CFAP47: variants seen among roughly 807,000 people sequenced by gnomAD.
The protein encoded by CFAP47 is cilia- and flagella-associated protein 47.
Under a neutral mutation model 148.1 loss-of-function variants are expected in CFAP47, and 29 were observed. That is an observed-to-expected ratio of 0.20 (90% CI 0.15 to 0.27). The LOEUF (loss-of-function observed/expected upper bound fraction) is 0.27, where lower values mean the gene tolerates loss of function less well. Ranked by LOEUF, CFAP47 falls within the 10% of genes least tolerant of loss-of-function variation. The pLI is 1.00. For missense variants in CFAP47, 1,872 were observed against 1,697.5 expected, an observed-to-expected ratio of 1.10 and a Z score of -1.81; for synonymous variants, 664 against 577.3, an observed-to-expected ratio of 1.15 and a Z score of -2.15.
intron 15 of CFAP47, among the ~76,000 whole-genome samples, chrX:35,976,533 G>A (rs921809695): frequency 1.8e-5 from 2 of 111,325 alleles, no homozygotes; most frequent in Middle Eastern, 4.7e-3. Flanking sequence ...TGTTAATTAC[G>A]TCTAAAAAAA....
At chrX:36,045,519 G>A (rs762864450) in intron 25 of CFAP47, among the ~76,000 whole-genome samples, 2 of 111,278 alleles carry the variant, frequency 1.8e-5, no homozygotes, top group African/African-American at 6.5e-5. Flanking sequence ...AGGGTCCAAG[G>A]GGGCTCTTCA....
chrX:36,278,438 C>A (rs1221983967), intron 49 of CFAP47, among the ~76,000 whole-genome samples: 1 of 112,903 alleles, frequency 8.9e-6, no homozygotes, highest in African/African-American at 3.2e-5. Flanking sequence ...TTTGCTAAAA[C>A]CGTTGGAAAA....
At chrX:36,323,999 TATC>T (rs1941498770) in intron 57 of CFAP47, among the ~76,000 whole-genome samples, 1 of 111,703 alleles carries the variant, frequency 9.0e-6, no homozygotes, top group Non-Finnish European at 1.9e-5. Context: ...TTCCTTTCGT[TATC>T]ATTCAAAACT....
chrX:36,382,760 A>T (rs1371117339), intron 63 of CFAP47, among the ~76,000 whole-genome samples: 7 of 111,458 alleles, frequency 6.3e-5, no homozygotes, highest in East Asian at 2.8e-4. Flanking sequence ...TTATTTTTTT[A>T]AATTTCTTTA....
chrX:35,975,660 G>T lies in CFAP47; in HGVS notation c.2472-12G>T. 1.7e-6 allele frequency: 2 copies of T among 1,206,172 alleles called. No homozygotes were observed. Among genetic ancestry groups the T allele is most frequent in the Non-Finnish European group, 2.2e-6 (2 of 892,264 alleles). On this transcript the variant is annotated splice_polypyrimidine_tract_variant and intron_variant, in intron 14 of 63. Transcript: ENST00000378653. ...TTATCAGTTAAATTTGGATGCTTTTGCTGCATTACAGGTCTTTCACCTTTA... is the reference window on the plus strand; with the variant it reads ...TTATCAGTTAAATTTGGATGCTTTTTCTGCATTACAGGTCTTTCACCTTTA...
Position 36,000,384 on chromosome X carries a change from A to G in CFAP47, c.3279A>G (p.Leu1093=). The G allele has an allele frequency of 3.4e-6, 1 of 296,530 alleles. No individual in the cohort carries two copies. Among genetic ancestry groups the G allele is most frequent in the Non-Finnish European group, 5.9e-6 (1 of 169,420 alleles). The allele number at this position is 296,530 out of a possible 1,213,427, so 24.4% of individuals were successfully genotyped here. A position where few individuals can be genotyped will look rare whatever the true frequency, so the allele number is the denominator to read the frequency against. The change falls in exon 20 of 64, where the codon CTA becomes CTG. Residue 1093 remains leucine (L), a synonymous_variant. Coordinates refer to ENST00000378653, the MANE Select transcript of CFAP47 (RefSeq NM_001304548.2). ...CACGTGCCAGAGTGGAGTTTAATCT[A>G]AAAGACTTTCCGGATTTTTCAATGG... ...GITRARVEFN[L]KDFPDFSMDL... is the part of the protein sequence containing the mutation.
intron 32 of CFAP47, among the ~76,000 whole-genome samples, chrX:36,102,836 C>A (rs907245190): frequency 8.9e-6 from 1 of 111,744 alleles, no homozygotes; most frequent in Non-Finnish European, 1.9e-5. Flanking sequence ...GACTTCTAGA[C>A]CACAAAACTG....
In CFAP47 at chrX:36,282,317, G is replaced by C; in HGVS notation, c.7588+1687G>C. On this transcript the variant is annotated intron_variant, in intron 50 of 63. Coordinates refer to ENST00000378653, the MANE Select transcript of CFAP47 (RefSeq NM_001304548.2). Reference sequence around the variant, plus strand: ...AAGTTAAATCCTCATTAATATCTAGGGCAGAAGAACCATGAAGGAAAACCT... The same window carrying C: ...AAGTTAAATCCTCATTAATATCTAGCGCAGAAGAACCATGAAGGAAAACCT... Among the ~76,000 whole-genome samples the C allele has an allele frequency of 2.7e-5, 3 of 110,724 alleles. No individual in the cohort carries two copies. In the Admixed American group the frequency reaches 2.9e-4, roughly 11 times the overall value.
rs940898927 is a variant in CFAP47 at position 36,317,825 on chromosome X, A to G, written c.8345-1384A>G. ...TGTACTAATAAAAATATATTATTGT[A>G]CAAATAAAAAGTAAATGTAGAATAA... On this transcript the variant is annotated intron_variant, in intron 56 of 63. Coordinates refer to ENST00000378653, the MANE Select transcript of CFAP47 (RefSeq NM_001304548.2). Among the ~76,000 whole-genome samples the G allele has an allele frequency of 4.5e-5, 5 of 111,528 alleles. No homozygotes were observed. In the East Asian group the frequency reaches 1.1e-3, roughly 25 times the overall value.
rs1938323655 is a variant in CFAP47, at chrX:36,098,802, A to G, written c.4926A>G (p.Gly1642=). ...SSLLDFLNAQ[G]GCISHVLPEF... is the part of the protein sequence containing the mutation. ...TCTTTTTTAATTTTAGTGCTCAAGG[A>G]GGATGTATTTCACATGTCCTGCCAG... The change falls in exon 31 of 64, where the codon GGA becomes GGG. Residue 1642 remains glycine, a synonymous_variant. Transcript: ENST00000378653. The G allele has an allele frequency of 2.6e-6, 3 of 1,169,296 alleles. No homozygotes were observed. Among genetic ancestry groups the G allele is most frequent in the Middle Eastern group, 2.4e-4 (1 of 4,187 alleles).
intron 49 of CFAP47, among the ~76,000 whole-genome samples, chrX:36,265,489 C>T (rs1427080432): frequency 1.8e-5 from 2 of 111,691 alleles, no homozygotes; most frequent in Non-Finnish European, 3.8e-5. Context: ...TTTCAATTCT[C>T]AAGGTGGATA....
intron 56 of CFAP47, among the ~76,000 whole-genome samples, chrX:36,318,988 T>G (rs1941457921): frequency 8.9e-6 from 1 of 111,942 alleles, no homozygotes; most frequent in Non-Finnish European, 1.9e-5. Context: ...GTTCCAAGAA[T>G]TTATGAGTTT....
rs782120965 is a variant in CFAP47, at chrX:36,319,224, G to C, written c.8360G>C (p.Arg2787Thr). 1.6e-5 allele frequency: 18 copies of C among 1,102,029 alleles called. No individual in the cohort carries two copies. In the African/African-American group the frequency reaches 2.3e-4, roughly 14 times the overall value. The allele number at this position is 1,102,029 out of a possible 1,213,427, so 90.8% of individuals were successfully genotyped here. Residue 2787 changes from arginine (R) to threonine (T), a missense_variant, in exon 57 of 64, where the codon AGG becomes ACG. Physicochemically the swap from Arg to Thr is moderately conservative, Grantham distance 71. Coordinates refer to ENST00000378653, the MANE Select transcript of CFAP47 (RefSeq NM_001304548.2). Reference protein sequence around the residue: ...DIILTSVEHPRNLVMDHCWDS... With the variant: ...DIILTSVEHPTNLVMDHCWDS... ...TTTTAATTAGGTGTGGAACATCCCA[G>C]GAATCTTGTCATGGATCATTGCTGG...
intron 39 of CFAP47, among the ~76,000 whole-genome samples, chrX:36,164,118 C>T (rs1433151738): frequency 9.0e-6 from 1 of 111,317 alleles, no homozygotes; most frequent in Non-Finnish European, 1.9e-5. Flanking sequence ...GTCCATACTG[C>T]AGAATGCTCA....
chrX:36,332,301 C>CT (rs11348976), intron 57 of CFAP47, among the ~76,000 whole-genome samples: 1 of 107,778 alleles, frequency 9.3e-6, no homozygotes, highest in Non-Finnish European at 1.9e-5. Context: ...CTAAAATTAT[C>CT]TTTTTTTTTC....
intron 2 of CFAP47, among the ~76,000 whole-genome samples, chrX:35,931,335 T>C (rs1463245571): frequency 3.6e-5 from 4 of 111,008 alleles, no homozygotes; most frequent in Non-Finnish European, 7.5e-5. Context: ...TAATGTAGCT[T>C]TTTGCACTTT....
intron 50 of CFAP47, among the ~76,000 whole-genome samples, chrX:36,284,695 G>A (rs935498129): frequency 9.0e-6 from 1 of 111,710 alleles, no homozygotes; most frequent in Non-Finnish European, 1.9e-5. Flanking sequence ...CCACTAGTTT[G>A]TGCTTCTTAT....
chrX:36,000,635 C>T lies in CFAP47; in HGVS notation c.3322+208C>T, dbSNP rs1288180246. On this transcript the variant is annotated intron_variant, in intron 20 of 63. Coordinates refer to ENST00000378653, the MANE Select transcript of CFAP47 (RefSeq NM_001304548.2). ...TTAATATCAAAACACTTTGGTAATA[C>T]ATGAAACGTAACCGTTCTTATTAGT... 4.5e-5 allele frequency among the ~76,000 whole-genome samples: 5 copies of T among 111,611 alleles called. No homozygotes were observed. In the East Asian group the frequency reaches 8.4e-4, roughly 19 times the overall value.
In CFAP47 at chrX:36,138,541, T is replaced by G. The variant is rs373730401; in HGVS notation, c.5535+77T>G. The G allele has an allele frequency of 1.7e-5, 17 of 1,009,889 alleles. No individual in the cohort carries two copies. The East Asian group carries it at 4.2e-4, about 25-fold the overall frequency. The allele number at this position is 1,009,889 out of a possible 1,213,427, so 83.2% of individuals were successfully genotyped here. A position where few individuals can be genotyped will look rare whatever the true frequency, so the allele number is the denominator to read the frequency against. On this transcript the variant is annotated intron_variant, in intron 35 of 63. Transcript: ENST00000378653. ...ATAGCTTGCTCATTTATAATATTGC[T>G]TTGTTCATATTTTTGAAATTTAAAT...
Sources: allele counts gnomAD v4.1 joint callset (sites outside exome capture counted in the v4.1 genomes callset), GRCh38; gene constraint gnomAD v4.1.1; transcripts MANE v1.5; gene names NCBI Gene and HGNC (gene_info 2026-07-23, HGNC 2026-07-21).